The following PROCR variants were observed in gnomAD, a reference collection of about 807,000 sequenced individuals.
The protein encoded by PROCR is protein C receptor.
A neutral mutation model predicts 24.2 loss-of-function variants in PROCR; 22 were observed. That is an observed-to-expected ratio of 0.91 (90% CI 0.65 to 1.30). The LOEUF is 1.30. Ranked by LOEUF, PROCR falls within the 50% of genes most tolerant of loss-of-function variation. The pLI is 0.00. For synonymous variants in PROCR, 137 were observed against 139.2 expected (o/e 0.98, Z 0.11); for missense variants, 288 against 307.7 (o/e 0.94, Z 0.48).
chr20:35,179,320 T>C (rs1044210532), downstream of PROCR, among the ~76,000 whole-genome samples: 6 of 151,414 alleles, frequency 4.0e-5, no homozygotes, highest in African/African-American at 1.2e-4. Flanking sequence ...GGCAGGAGGA[T>C]TGCTTGAGCT....
intron 1 of PROCR, among the ~76,000 whole-genome samples, chr20:35,188,377 G>A (rs2086145306): frequency 2.0e-5 from 3 of 152,206 alleles, no homozygotes; most frequent in African/African-American, 7.2e-5. Context: ...ATCTGGGAAG[G>A]CTACACAGAG....
At chr20:35,207,200 A>C (rs554577499) in intron 1 of PROCR, among the ~76,000 whole-genome samples, 1 of 152,282 alleles carries the variant, frequency 6.6e-6, no homozygotes, top group Non-Finnish European at 1.5e-5. Context: ...GAAGGCTTTG[A>C]CTACAAAGGG....
At chr20:35,180,847 GTTTGTTT>G (rs10564067), downstream of PROCR, among the ~76,000 whole-genome samples, 13,447 of 151,964 alleles carry the variant, frequency 0.088, 695 homozygotes, top group South Asian at 0.16. Context: ...TTTTGTTGTT[GTTTGTTT>G]TTTGTTTTTT....
intron 1 of PROCR, among the ~76,000 whole-genome samples, chr20:35,204,397 CTTCT>C (rs1441869249): frequency 1.5e-5 from 2 of 136,892 alleles, no homozygotes; most frequent in Non-Finnish European, 3.1e-5. Flanking sequence ...TCCTTCCTTC[CTTCT>C]CTCTTTTCTT....
At chr20:35,208,315 C>T (rs762193902) in intron 1 of PROCR, among the ~76,000 whole-genome samples, 1 of 152,172 alleles carries the variant, frequency 6.6e-6, no homozygotes, top group Non-Finnish European at 1.5e-5. Context: ...GTTCCACAGT[C>T]GTATAGCCAA....
chr20:35,194,191 C>A (rs1233845572), intron 1 of PROCR, among the ~76,000 whole-genome samples: 1 of 152,078 alleles, frequency 6.6e-6, no homozygotes, highest in African/African-American at 2.4e-5. Context: ...TTAGAATGAG[C>A]TCAAGAAACA....
Position 35,172,232 on chromosome 20 carries a change from G to C in PROCR, c.70+8G>C. ...GCCAAGACGCCTCAGATGGTGAGTC[G>C]GGGGCACATCTCCTGCCTCAGGATG... On this transcript the variant is annotated splice_region_variant and intron_variant, in intron 1 of 3. Transcript: ENST00000216968. The C allele has an allele frequency of 6.2e-7, 1 of 1,613,970 alleles. No homozygotes were observed. The highest frequency in any genetic ancestry group is 1.1e-5 in the South Asian group (1 of 91,076).
chr20:35,174,346 A>C (rs918158566), intron 1 of PROCR: 28 of 356,642 alleles, frequency 7.9e-5, no homozygotes, highest in African/African-American at 5.5e-4. Context: ...GAGGAGATGG[A>C]GAACAGGCGA....
chr20:35,176,052 C>G (rs2086012668), intron 2 of PROCR, 116 bp from the exon 3 acceptor site: 1 of 1,227,840 alleles, frequency 8.1e-7, no homozygotes, highest in South Asian at 1.2e-5. Context: ...ACCTAGACTC[C>G]CCTCTCCTCA....
In PROCR at chr20:35,174,799, C is replaced by T; in HGVS notation, c.168C>T (p.His56=). 1 of 1,614,066 alleles carries T rather than the reference C, an allele frequency of 6.2e-7. No individual in the cohort carries two copies. Among genetic ancestry groups the T allele is most frequent in the Non-Finnish European group, 8.5e-7 (1 of 1,179,990 alleles). The change falls in exon 2 of 4, where the codon CAC becomes CAT. Residue 56 remains histidine (H), a synonymous_variant. Coordinates refer to ENST00000216968, the MANE Select transcript of PROCR (RefSeq NM_006404.5). The part of the protein sequence containing the change: ...GNASLGGHLT[H]VLEGPDTNTT... The stretch of plus-strand genomic sequence containing the variant: ...CGTCGCTGGGGGGACACCTAACGCA[C>T]GTGCTGGAAGGCCCAGACACCAACA...
downstream of PROCR, among the ~76,000 whole-genome samples, chr20:35,181,993 G>T (rs2086082988): frequency 6.6e-6 from 1 of 152,210 alleles, no homozygotes; most frequent in East Asian, 1.9e-4. Flanking sequence ...CATATTAAAG[G>T]AATTCTCCTC....
downstream of PROCR, among the ~76,000 whole-genome samples, chr20:35,181,481 G>A (rs1390880296): frequency 1.3e-5 from 2 of 151,820 alleles, no homozygotes; most frequent in East Asian, 1.9e-4. Flanking sequence ...CACCATGTTG[G>A]TCAGGCTGGT....
At chr20:35,205,397 T>C (rs969770348) in intron 1 of PROCR, among the ~76,000 whole-genome samples, 56 of 136,212 alleles carry the variant, frequency 4.1e-4, no homozygotes, top group African/African-American at 1.6e-3. Flanking sequence ...AACCCATTCA[T>C]GATAAAAAAA....
At position 35,172,235 on chromosome 20, in the gene PROCR, G is replaced by T; in HGVS notation, c.70+11G>T. On this transcript the variant is annotated intron_variant, in intron 1 of 3. Transcript: ENST00000216968. The stretch of plus-strand genomic sequence containing the variant: ...AAGACGCCTCAGATGGTGAGTCGGG[G>T]GCACATCTCCTGCCTCAGGATGGTT... 4 of 1,613,892 alleles carry T rather than the reference G, an allele frequency of 2.5e-6. No individual in the cohort carries two copies. In the South Asian group the frequency reaches 4.4e-5, roughly 18 times the overall value.
chr20:35,200,566 T>C (rs563448965), intron 1 of PROCR, among the ~76,000 whole-genome samples: 1 of 152,370 alleles, frequency 6.6e-6, no homozygotes, highest in South Asian at 2.1e-4. Context: ...TGCATAACAC[T>C]GTATGCAATG....
intron 1 of PROCR, 109 bp downstream of exon 1, chr20:35,172,333 A>T (rs1304042348): frequency 7.4e-7 from 1 of 1,354,864 alleles, no homozygotes; most frequent in Non-Finnish European, 1.1e-6. Context: ...CTGTGTCTGC[A>T]GCTGGCTAGA....
At chr20:35,186,996 G>A (rs2086133855) in intron 1 of PROCR, among the ~76,000 whole-genome samples, 2 of 151,872 alleles carry the variant, frequency 1.3e-5, no homozygotes, top group Admixed American at 1.3e-4. Flanking sequence ...GTTTAAGTCA[G>A]TGGCCTGCAA....
At chr20:35,192,734 A>C (rs1054793795) in intron 1 of PROCR, among the ~76,000 whole-genome samples, 7 of 152,080 alleles carry the variant, frequency 4.6e-5, no homozygotes, top group African/African-American at 1.7e-4. Flanking sequence ...TTCTATTTGT[A>C]CTTAGAAGAG....
In PROCR at chr20:35,204,910, T is replaced by G. The variant is rs551590024; in HGVS notation, c.95-10983T>G. ...ATTAGCAAAGGAATCCAGAAATATATATATATTTTTAAAAAATAATACTTC... is the reference window on the plus strand; with the variant it reads ...ATTAGCAAAGGAATCCAGAAATATAGATATATTTTTAAAAAATAATACTTC... On this transcript the variant is annotated intron_variant, in intron 1 of 1. Coordinates refer to the PROCR transcript ENST00000634509. 3.9e-5 allele frequency among the ~76,000 whole-genome samples: 6 copies of G among 152,206 alleles called. No individual in the cohort carries two copies. In the South Asian group the frequency reaches 1.0e-3, roughly 26 times the overall value.
Sources: gnomAD v4.1 joint callset for allele counts (sites outside exome capture counted in the v4.1 genomes callset) on GRCh38, gnomAD v4.1.1 for gene constraint, MANE v1.5 for transcripts, NCBI Gene and HGNC (gene_info 2026-07-23, HGNC 2026-07-21) for gene names.